The following RTL4 variants were observed in gnomAD, a reference collection of about 807,000 sequenced individuals.
RTL4 encodes retrotransposon Gag like 4.
In RTL4, 4 loss-of-function variants were observed where a neutral mutation model predicts 5.3. That is an observed-to-expected ratio of 0.75 (90% CI 0.37 to 1.72). The LOEUF (loss-of-function observed/expected upper bound fraction) is 1.72, where lower values mean the gene tolerates loss of function less well. Among genes scored for constraint, RTL4 ranks in the 40% most tolerant of loss-of-function variants. The pLI, the probability that RTL4 is intolerant of heterozygous loss-of-function variation, is 0.04. For missense variants in RTL4, 260 were observed against 227.1 expected, an observed-to-expected ratio of 1.14 and a Z score of -0.93; for synonymous variants, 98 against 87.3, an observed-to-expected ratio of 1.12 and a Z score of -0.68.
At chrX:112,450,076 G>A (rs757900685), upstream of RTL4, among the ~76,000 whole-genome samples, 114 of 112,231 alleles carry the variant, frequency 1.0e-3, 1 homozygote, top group African/African-American at 3.6e-3. Context: ...GTAGTTGCAT[G>A]ACTTTAGGTC....
chrX:112,331,438 C>A, the RTL4 span, among the ~76,000 whole-genome samples: 1 of 107,072 alleles, frequency 9.3e-6, no homozygotes, highest in Non-Finnish European at 1.9e-5. Flanking sequence ...CAGAGAAATG[C>A]AAATCAAAAG....
the RTL4 span, among the ~76,000 whole-genome samples, chrX:112,134,746 C>T: frequency 8.9e-6 from 1 of 111,869 alleles, no homozygotes; most frequent in East Asian, 2.8e-4. Context: ...TGCTGAATGG[C>T]TTTTGGTCAT....
the RTL4 span, among the ~76,000 whole-genome samples, chrX:112,198,783 G>C: frequency 3.6e-5 from 4 of 111,105 alleles, no homozygotes; most frequent in Non-Finnish European, 7.5e-5. Context: ...ATTTATATCA[G>C]AGATAGAGCA....
the RTL4 span, among the ~76,000 whole-genome samples, chrX:112,221,517 G>T: frequency 1.8e-5 from 2 of 111,840 alleles, no homozygotes; most frequent in Non-Finnish European, 3.8e-5. Context: ...CTTTCCAAAT[G>T]ATAGGAAAGA....
chrX:112,092,931 G>T, the RTL4 span, among the ~76,000 whole-genome samples: 1 of 111,076 alleles, frequency 9.0e-6, no homozygotes, highest in African/African-American at 3.3e-5. Flanking sequence ...TATCAGCAGC[G>T]TGAAAATGGA....
At chrX:112,386,744 TC>T in the RTL4 span, among the ~76,000 whole-genome samples, 1 of 112,177 alleles carries the variant, frequency 8.9e-6, no homozygotes, top group Non-Finnish European at 1.9e-5. Flanking sequence ...AATTTCTTTA[TC>T]CACTCATTGA....
At chrX:112,421,043 A>AT in the RTL4 span, among the ~76,000 whole-genome samples, 6 of 110,483 alleles carry the variant, frequency 5.4e-5, no homozygotes, top group Non-Finnish European at 1.1e-4. Flanking sequence ...TTCCTGTTGC[A>AT]TTTTTTATCA....
the RTL4 span, among the ~76,000 whole-genome samples, chrX:112,315,584 C>T: frequency 8.9e-6 from 1 of 112,007 alleles, no homozygotes; most frequent in African/African-American, 3.2e-5. Flanking sequence ...TTCCCCCCAA[C>T]ATATACAACC....
the RTL4 span, among the ~76,000 whole-genome samples, chrX:112,210,935 A>G: frequency 2.5e-4 from 28 of 112,581 alleles, no homozygotes; most frequent in African/African-American, 7.1e-4. Flanking sequence ...TTCTTCACCA[A>G]TAGAATCCAG....
At chrX:112,373,369 T>A in the RTL4 span, among the ~76,000 whole-genome samples, 1 of 111,507 alleles carries the variant, frequency 9.0e-6, no homozygotes, top group South Asian at 3.8e-4. Flanking sequence ...AACTTGAATT[T>A]CTCTGTGAAG....
At chrX:112,309,497 C>CT in the RTL4 span, among the ~76,000 whole-genome samples, 1 of 108,916 alleles carries the variant, frequency 9.2e-6, no homozygotes, top group African/African-American at 3.3e-5. Context: ...ATTCATGTGT[C>CT]TTTTTTTTTA....
the RTL4 span, among the ~76,000 whole-genome samples, chrX:112,325,828 G>C: frequency 8.9e-6 from 1 of 112,200 alleles, no homozygotes; most frequent in Non-Finnish European, 1.9e-5. Flanking sequence ...AAGAGCTTCT[G>C]TACAGCAAAA....
the RTL4 span, among the ~76,000 whole-genome samples, chrX:112,365,131 C>A: frequency 9.0e-6 from 1 of 110,983 alleles, no homozygotes; most frequent in African/African-American, 3.3e-5. Flanking sequence ...CATCTAAGTT[C>A]ATGCCTGAAG....
chrX:112,348,174 C>T, the RTL4 span, among the ~76,000 whole-genome samples: 9 of 108,960 alleles, frequency 8.3e-5, no homozygotes, highest in Non-Finnish European at 1.5e-4. Flanking sequence ...TTTTTTTAAT[C>T]CTGGCCTTCG....
At chrX:112,308,048 T>A in the RTL4 span, among the ~76,000 whole-genome samples, 1 of 111,695 alleles carries the variant, frequency 9.0e-6, no homozygotes, top group Non-Finnish European at 1.9e-5. Context: ...TCTAGTACTA[T>A]TTGATATAAG....
the RTL4 span, among the ~76,000 whole-genome samples, chrX:112,333,154 C>A: frequency 9.1e-6 from 1 of 110,103 alleles, no homozygotes; most frequent in Admixed American, 9.8e-5. Flanking sequence ...ATTACTTTTT[C>A]ACTCTCAGAC....
the RTL4 span, among the ~76,000 whole-genome samples, chrX:112,169,632 C>T: frequency 8.9e-6 from 1 of 111,792 alleles, no homozygotes; most frequent in South Asian, 3.8e-4. Flanking sequence ...ACTCCAAGCA[C>T]TGGGGCAGAC....
chrX:112,140,909 T>C, the RTL4 span, among the ~76,000 whole-genome samples: 2 of 112,422 alleles, frequency 1.8e-5, no homozygotes, highest in Non-Finnish European at 3.8e-5. Context: ...ACAGAATAGC[T>C]GTAGCCAAGT....
the RTL4 span, among the ~76,000 whole-genome samples, chrX:112,218,930 G>T: frequency 8.9e-6 from 1 of 111,858 alleles, no homozygotes; most frequent in South Asian, 3.7e-4. Flanking sequence ...GAAAAGAAAG[G>T]AAGTTTGCCT....
Sources: gnomAD v4.1 joint callset for allele counts (sites outside exome capture counted in the v4.1 genomes callset) on GRCh38, gnomAD v4.1.1 for gene constraint, MANE v1.5 for transcripts, NCBI Gene and HGNC (gene_info 2026-07-23, HGNC 2026-07-21) for gene names.